APLP2: variants seen among roughly 807,000 people sequenced by gnomAD.
The protein encoded by APLP2 is amyloid beta precursor like protein 2.
A neutral mutation model predicts 89.9 loss-of-function variants in APLP2; 53 were observed. The ratio of observed to expected loss-of-function variants is 0.59; its 90% confidence interval spans 0.47 to 0.74. The LOEUF is 0.74. APLP2 is among the 30% of genes least tolerant of loss of function. APLP2 has a pLI of 0.00. For missense variants in APLP2, 973 were observed against 975.9 expected (o/e 1.00, Z 0.04); for synonymous variants, 372 against 348.6 (o/e 1.07, Z -0.75).
chr11:130,084,328 A>G (rs1591767359), intron 1 of APLP2, among the ~76,000 whole-genome samples: 1 of 152,130 alleles, frequency 6.6e-6, no homozygotes, highest in Non-Finnish European at 1.5e-5. Flanking sequence ...GATATGCCAC[A>G]TTTTTTGGTT....
rs183060563 is a variant in APLP2, at chr11:130,106,247, A to G, written c.106-3182A>G. 2.4e-4 allele frequency among the ~76,000 whole-genome samples: 37 copies of G among 152,048 alleles called. No homozygotes were observed. The East Asian group carries it at 6.2e-3, about 26-fold the overall frequency. ...TTTGAATCATGGGAGCCAAACTTGA[A>G]CCTTCCTCTTCCTCATCCCTCATAT... On this transcript the variant is annotated intron_variant, in intron 1 of 16. Transcript: ENST00000338167.
chr11:130,109,233 T>G (rs1004199247), intron 1 of APLP2, 196 bp from the exon 2 acceptor site: 1 of 421,718 alleles, frequency 2.4e-6, no homozygotes, highest in South Asian at 9.9e-5. Context: ...TTCCTTTGCC[T>G]TTCACTTTGA....
intron 1 of APLP2, among the ~76,000 whole-genome samples, chr11:130,072,356 G>A (rs1405939865): frequency 6.6e-6 from 1 of 152,160 alleles, no homozygotes; most frequent in East Asian, 1.9e-4. Flanking sequence ...CAAATTAAAG[G>A]ATGTCAACTG....
At chr11:130,113,785 A>G (rs1948860554) in intron 3 of APLP2, among the ~76,000 whole-genome samples, 1 of 152,192 alleles carries the variant, frequency 6.6e-6, no homozygotes, top group Non-Finnish European at 1.5e-5. Context: ...GCTTTTTTAA[A>G]TTAAAAAATA....
rs1011092496 is a variant in APLP2 at position 130,109,480 on chromosome 11, G to T, written c.157G>T (p.Ala53Ser). 5.6e-6 allele frequency: 9 copies of T among 1,613,354 alleles called. No individual in the cohort carries two copies. Among genetic ancestry groups the T allele is most frequent in the African/African-American group, 1.3e-5 (1 of 74,812 alleles). The change falls in exon 2 of 17, where the codon GCA becomes TCA. Residue 53 changes from alanine to serine, a missense_variant. Transcript: ENST00000338167. ...TGFAVAEPQI[A>S]MFCGKLNMHV... ...ATTTGCTGTTGCTGAGCCTCAAATC[G>T]CAATGTTTTGTGGGAAGTTAAATAT... is the stretch of plus-strand genomic sequence containing the variant.
intron 11 of APLP2, among the ~76,000 whole-genome samples, chr11:130,131,266 G>T (rs1228508468): frequency 6.6e-6 from 1 of 152,132 alleles, no homozygotes; most frequent in African/African-American, 2.4e-5. Context: ...ACCTGGTTAA[G>T]TTTTGTAGTT....
rs758901637 is a variant in APLP2 at position 130,141,970 on chromosome 11, A to G, written c.2050A>G (p.Ile684Val). The change falls in exon 16 of 17, where the codon ATT (isoleucine) becomes GTT (valine). Residue 684 changes from isoleucine (I) to valine (V), a missense_variant. Physicochemically the swap from Ile to Val is conservative, Grantham distance 29. Transcript: ENST00000338167. The surrounding 1 kb of genome is among the most constrained non-coding windows in gnomAD (Gnocchi z 4.2). Reference protein sequence around the residue: ...EDFSLSSSALIGLLVIAVAIA... With the variant: ...EDFSLSSSALVGLLVIAVAIA... ...CTTCAGTCTGAGTAGCAGTGCTCTCATTGGCCTGCTGGTCATCGCAGTGGC... is the reference window on the plus strand; with the variant it reads ...CTTCAGTCTGAGTAGCAGTGCTCTCGTTGGCCTGCTGGTCATCGCAGTGGC... 3 of 1,614,070 alleles carry G rather than the reference A, an allele frequency of 1.9e-6. No individual in the cohort carries two copies. The highest frequency in any genetic ancestry group is 1.1e-5 in the South Asian group (1 of 91,078).
At position 130,140,497 on chromosome 11, in the gene APLP2, T is replaced by G; in HGVS notation, c.1923+14T>G. On this transcript the variant is annotated intron_variant, in intron 14 of 16. Coordinates refer to ENST00000338167, the MANE Select transcript of APLP2 (RefSeq NM_001142276.2). The stretch of plus-strand genomic sequence containing the variant: ...GATGAAAACATGGTGAGCCTGTTCT[T>G]TCTTCTGCCCAACACGCTTTACTTT... The G allele has an allele frequency of 6.3e-7, 1 of 1,597,770 alleles. No homozygotes were observed. The highest frequency in any genetic ancestry group is 8.5e-7 in the Non-Finnish European group (1 of 1,171,468).
At chr11:130,091,554 A>C (rs1482911903) in intron 1 of APLP2, among the ~76,000 whole-genome samples, 13 of 100,724 alleles carry the variant, frequency 1.3e-4, no homozygotes, top group Admixed American at 5.9e-4. Context: ...TGACCCCCCC[A>C]CCTCCCTCCC....
intron 12 of APLP2, among the ~76,000 whole-genome samples, chr11:130,133,997 T>C (rs1951240345): frequency 6.6e-6 from 1 of 152,248 alleles, no homozygotes; most frequent in Non-Finnish European, 1.5e-5. Flanking sequence ...GGTGTGAAAT[T>C]GCAAGAGACT....
chr11:130,106,270 T>C (rs1261231088), intron 1 of APLP2, among the ~76,000 whole-genome samples: 2 of 152,198 alleles, frequency 1.3e-5, no homozygotes, highest in Non-Finnish European at 2.9e-5. Flanking sequence ...TCATCCCTCA[T>C]ATCAGTTATC....
chr11:130,095,725 G>A (rs181274695), intron 1 of APLP2, among the ~76,000 whole-genome samples: 2 of 152,280 alleles, frequency 1.3e-5, no homozygotes, highest in East Asian at 3.9e-4. Context: ...AAGTTTTTTT[G>A]TCATTTAATT....
Position 130,141,957 on chromosome 11 carries a change from T to C in APLP2, c.2037T>C (p.Ser679=), listed in dbSNP as rs1952460827. The change falls in exon 16 of 17, where the codon AGT becomes AGC. Residue 679 remains serine, a synonymous_variant. Coordinates refer to ENST00000338167, the MANE Select transcript of APLP2 (RefSeq NM_001142276.2). This position sits in a 1 kb window ranked among gnomAD's most constrained non-coding sequence, Gnocchi z 4.2. Reference sequence around the variant, plus strand: ...CACTGCGGGAGGACTTCAGTCTGAGTAGCAGTGCTCTCATTGGCCTGCTGG... The same window carrying C: ...CACTGCGGGAGGACTTCAGTCTGAGCAGCAGTGCTCTCATTGGCCTGCTGG... ...VGPLREDFSL[S]SSALIGLLVI... is the part of the protein sequence containing the mutation. The C allele has an allele frequency of 3.7e-6, 6 of 1,614,058 alleles. No homozygotes were observed. Among genetic ancestry groups the C allele is most frequent in the Non-Finnish European group, 5.1e-6 (6 of 1,179,934 alleles).
At chr11:130,093,754 T>A (rs73041249) in intron 1 of APLP2, among the ~76,000 whole-genome samples, 18,359 of 152,116 alleles carry the variant, frequency 0.12, 1,353 homozygotes, top group East Asian at 0.24. Context: ...TTATTTATTT[T>A]TTTTTTTGAG....
chr11:130,110,492 C>G, intron 2 of APLP2, 46 bp from the exon 3 acceptor site: 1 of 1,604,070 alleles, frequency 6.2e-7, no homozygotes, highest in Non-Finnish European at 8.5e-7. Context: ...AAGTGTGTGT[C>G]TGTCTGCAGA....
chr11:130,141,906 C>G lies in APLP2; in HGVS notation c.1999-13C>G. The G allele has an allele frequency of 6.3e-7, 1 of 1,592,944 alleles. No homozygotes were observed. Among genetic ancestry groups the G allele is most frequent in the Non-Finnish European group, 8.6e-7 (1 of 1,164,018 alleles). On this transcript the variant is annotated splice_polypyrimidine_tract_variant and intron_variant, in intron 15 of 16. Transcript: ENST00000338167. This position sits in a 1 kb window ranked among gnomAD's most constrained non-coding sequence, Gnocchi z 4.2. ...TCACTGGGACTTTTTTCCACGTCTGCTTTATTACGTAGGAATCCGTGGGCC... is the reference window on the plus strand; with the variant it reads ...TCACTGGGACTTTTTTCCACGTCTGGTTTATTACGTAGGAATCCGTGGGCC...
chr11:130,120,037 A>G (rs1438008041), intron 3 of APLP2, among the ~76,000 whole-genome samples: 3 of 152,032 alleles, frequency 2.0e-5, no homozygotes, highest in Non-Finnish European at 2.9e-5. Context: ...CTGAGTTTGG[A>G]TTTGTCTTAG....
At chr11:130,094,847 A>T (rs1945978538) in intron 1 of APLP2, among the ~76,000 whole-genome samples, 1 of 152,200 alleles carries the variant, frequency 6.6e-6, no homozygotes, top group Non-Finnish European at 1.5e-5. Flanking sequence ...AGAGAGAGTA[A>T]CTGGTCCAGA....
intron 1 of APLP2, among the ~76,000 whole-genome samples, chr11:130,073,936 C>T (rs1429870131): frequency 6.6e-6 from 1 of 152,160 alleles, no homozygotes; most frequent in Non-Finnish European, 1.5e-5. Context: ...GTTAACATTT[C>T]TTCTAGTCAC....
Sources: gnomAD v4.1 joint callset for allele counts (sites outside exome capture counted in the v4.1 genomes callset) on GRCh38, gnomAD v4.1.1 for gene constraint, Gnocchi (gnomAD v3.1) non-coding constraint, MANE v1.5 for transcripts, NCBI Gene and HGNC (gene_info 2026-07-23, HGNC 2026-07-21) for gene names.